The following COPB1 variants were observed in gnomAD, a reference collection of about 807,000 sequenced individuals.
The protein encoded by COPB1 is coat protein complex I subunit beta 1.
A neutral mutation model predicts 108.7 loss-of-function variants in COPB1; 21 were observed. That is an observed-to-expected ratio of 0.19 (90% confidence interval 0.14 to 0.28). The LOEUF (loss-of-function observed/expected upper bound fraction) is 0.28. Ranked by LOEUF, COPB1 falls within the 10% of genes least tolerant of loss-of-function variation. The probability of loss-of-function intolerance (pLI) is 1.00; values close to 1 mark genes in which losing one functional copy is unlikely to be tolerated. For missense variants in COPB1, 919 were observed against 1,141.3 expected (o/e 0.81, Z 2.81); for synonymous variants, 378 against 386.8 (o/e 0.98, Z 0.27).
intron 18 of COPB1, among the ~76,000 whole-genome samples, chr11:14,461,749 T>A (rs1012262190): frequency 3.3e-5 from 5 of 152,208 alleles, no homozygotes; most frequent in African/African-American, 1.2e-4. Context: ...TAGGAGGTAC[T>A]TAACTAATAC....
chr11:14,466,004 A>C (rs965105936), intron 17 of COPB1, among the ~76,000 whole-genome samples: 24 of 152,242 alleles, frequency 1.6e-4, no homozygotes, highest in Admixed American at 3.9e-4. Context: ...TCTGCGACTT[A>C]AACAGCTCGT....
intron 18 of COPB1, among the ~76,000 whole-genome samples, chr11:14,461,866 A>C (rs1187667737): frequency 6.6e-6 from 1 of 152,206 alleles, no homozygotes; most frequent in Non-Finnish European, 1.5e-5. Context: ...ACCAAAATCT[A>C]CAGATGCTCA....
At chr11:14,487,849 A>G (rs61883584) in intron 6 of COPB1, among the ~76,000 whole-genome samples, 5,442 of 152,248 alleles carry the variant, frequency 0.036, 163 homozygotes, top group Non-Finnish European at 0.055. Flanking sequence ...TGACCATACT[A>G]TCATATTTAA....
chr11:14,490,785 A>T, intron 4 of COPB1, 106 bp from the exon 5 acceptor site: 5 of 630,718 alleles, frequency 7.9e-6, no homozygotes, highest in Admixed American at 3.4e-5. Flanking sequence ...TTTACAACAT[A>T]CTTTTGCTTT....
intron 1 of COPB1, 99 bp from the exon 2 acceptor site, chr11:14,499,084 C>A: frequency 1.7e-6 from 1 of 586,978 alleles, no homozygotes; most frequent in Non-Finnish European, 2.9e-6. Flanking sequence ...AAGGGCAGGT[C>A]AATCTATATC....
chr11:14,473,135 T>C (rs1317205820), intron 14 of COPB1, among the ~76,000 whole-genome samples: 1 of 151,928 alleles, frequency 6.6e-6, no homozygotes, highest in Non-Finnish European at 1.5e-5. Flanking sequence ...CCACCACACC[T>C]GGCTAATTTT....
At chr11:14,458,882 C>T (rs1176240879) in intron 20 of COPB1, among the ~76,000 whole-genome samples, 195 bp from the exon 21 acceptor site, 3 of 151,942 alleles carry the variant, frequency 2.0e-5, no homozygotes, top group Non-Finnish European at 4.4e-5. Context: ...ATTCTCCTGC[C>T]TCAGCCTCCC....
intron 13 of COPB1, among the ~76,000 whole-genome samples, chr11:14,475,568 A>G (rs1850503848): frequency 6.6e-6 from 1 of 152,236 alleles, no homozygotes; most frequent in Non-Finnish European, 1.5e-5. Context: ...CAGAACAGTT[A>G]TTTCCATAAA....
intron 4 of COPB1, among the ~76,000 whole-genome samples, chr11:14,493,033 C>A (rs1047813745): frequency 6.6e-6 from 1 of 152,120 alleles, no homozygotes; most frequent in Non-Finnish European, 1.5e-5. Flanking sequence ...GTAATCCCAG[C>A]TACTTGGGAG....
intron 2 of COPB1, among the ~76,000 whole-genome samples, chr11:14,495,565 T>C (rs1433445026): frequency 6.6e-6 from 1 of 152,244 alleles, no homozygotes. Flanking sequence ...GGTTTCGCCA[T>C]GTTGGCCACG....
intron 7 of COPB1, among the ~76,000 whole-genome samples, chr11:14,484,812 TA>T (rs1341490420): frequency 1.3e-5 from 2 of 152,140 alleles, no homozygotes; most frequent in Non-Finnish European, 2.9e-5. Context: ...AATCAAAAAT[TA>T]AAAAAAGTTC....
intron 4 of COPB1, among the ~76,000 whole-genome samples, chr11:14,491,352 T>C (rs912654839): frequency 6.6e-6 from 1 of 152,104 alleles, no homozygotes. Flanking sequence ...CCGGCCTGCT[T>C]TTTGAAACTT....
Position 14,470,944 on chromosome 11 carries a change from A to ACACTCT in COPB1, c.1738-1382_1738-1381insAGAGTG, listed in dbSNP as rs1285522756. Among the ~76,000 whole-genome samples the ACACTCT allele has an allele frequency of 1.6e-3, 144 of 90,186 alleles. 2 individuals are homozygous for ACACTCT. The highest frequency in any genetic ancestry group is 4.9e-3 in the African/African-American group (94 of 19,108). The allele number at this position is 90,186 out of a possible 152,430, so 59.2% of individuals were successfully genotyped here. On this transcript the variant is annotated intron_variant, in intron 14 of 21. Coordinates refer to ENST00000439561, the MANE Select transcript of COPB1 (RefSeq NM_001144061.2). ...CACACACACACACACACACACACAC[A>ACACTCT]CTCTCTCTCTCTCTACACCCAGGGA...
At chr11:14,498,068 T>C (rs1001114781) in intron 2 of COPB1, among the ~76,000 whole-genome samples, 15 of 152,296 alleles carry the variant, frequency 9.8e-5, no homozygotes, top group African/African-American at 3.1e-4. Flanking sequence ...GTGGAGATGG[T>C]TAATGGGTAC....
At chr11:14,458,074 ATTTTTTTTT>A (rs748562590) in intron 21 of COPB1, among the ~76,000 whole-genome samples, 191 bp from the exon 22 acceptor site, 2 of 100,728 alleles carry the variant, frequency 2.0e-5, no homozygotes, top group African/African-American at 7.9e-5. Context: ...CCGTCACCAG[ATTTTTTTTT>A]TTTTTTTTTT....
chr11:14,488,239 C>T (rs1201216013), intron 6 of COPB1, among the ~76,000 whole-genome samples: 1 of 152,094 alleles, frequency 6.6e-6, no homozygotes. Context: ...GATTTATGTG[C>T]AGCTACACTG....
intron 13 of COPB1, among the ~76,000 whole-genome samples, chr11:14,475,093 C>CA (rs146181255): frequency 0.012 from 831 of 71,544 alleles, 36 homozygotes; most frequent in Non-Finnish European, 0.016. Context: ...GACTCTGTGT[C>CA]AAAAAAAAAA....
intron 18 of COPB1, among the ~76,000 whole-genome samples, chr11:14,462,991 A>C (rs1850193724): frequency 6.6e-6 from 1 of 152,134 alleles, no homozygotes; most frequent in Admixed American, 6.5e-5. Flanking sequence ...TTTAGTCTTC[A>C]ACCCACCACT....
chr11:14,477,121 C>T (rs900195701), intron 11 of COPB1, 106 bp from the exon 12 acceptor site: 22 of 772,402 alleles, frequency 2.8e-5, no homozygotes, highest in Admixed American at 2.6e-4. Flanking sequence ...CAGGCACTCA[C>T]GCCTGTAATC....
Sources: allele counts gnomAD v4.1 joint callset (sites outside exome capture counted in the v4.1 genomes callset), GRCh38; gene constraint gnomAD v4.1.1; transcripts MANE v1.5; gene names NCBI Gene and HGNC (gene_info 2026-07-23, HGNC 2026-07-21).